The following CASQ2 variants were observed in gnomAD, a reference collection of about 807,000 sequenced individuals.
The protein encoded by CASQ2 is calsequestrin 2.
Under a neutral mutation model 46.5 loss-of-function variants are expected in CASQ2, and 49 were observed. That is an observed-to-expected ratio of 1.05 (90% CI 0.84 to 1.34). CASQ2 has a LOEUF of 1.34. CASQ2 is among the 40% of genes most tolerant of loss of function. The pLI is 0.00. For missense variants in CASQ2, 486 were observed against 481.3 expected, an observed-to-expected ratio of 1.01 and a Z score of -0.09; for synonymous variants, 174 against 168.5, an observed-to-expected ratio of 1.03 and a Z score of -0.25.
chr1:115,727,418 C>T (rs898664770), intron 5 of CASQ2, among the ~76,000 whole-genome samples: 3 of 152,168 alleles, frequency 2.0e-5, no homozygotes, highest in African/African-American at 4.8e-5. Flanking sequence ...CTACAATCAC[C>T]ATCACTCTAC....
intron 3 of CASQ2, among the ~76,000 whole-genome samples, chr1:115,739,362 A>AG (rs1553195264): frequency 5.5e-4 from 84 of 151,602 alleles, no homozygotes; most frequent in Non-Finnish European, 1.6e-4. Flanking sequence ...TGATCAGCCC[A>AG]CCTTGGCCTC....
At chr1:115,711,757 T>C (rs1277497344) in intron 8 of CASQ2, among the ~76,000 whole-genome samples, 2 of 151,920 alleles carry the variant, frequency 1.3e-5, no homozygotes, top group Non-Finnish European at 2.9e-5. Context: ...CGGGTTCAAG[T>C]GATTCTCCTG....
At chr1:115,748,234 C>G (rs1423917887) in intron 1 of CASQ2, among the ~76,000 whole-genome samples, 1 of 152,190 alleles carries the variant, frequency 6.6e-6, no homozygotes, top group Non-Finnish European at 1.5e-5. Context: ...ATATCTTCTT[C>G]ATTTTTATGT....
intron 4 of CASQ2, among the ~76,000 whole-genome samples, chr1:115,733,667 G>A (rs1478753754): frequency 6.6e-6 from 1 of 152,102 alleles, no homozygotes; most frequent in Non-Finnish European, 1.5e-5. Flanking sequence ...GAGTTACTTG[G>A]GAAAGAGATT....
chr1:115,721,663 C>T (rs1242651070), intron 7 of CASQ2, among the ~76,000 whole-genome samples: 1 of 152,100 alleles, frequency 6.6e-6, no homozygotes, highest in Non-Finnish European at 1.5e-5. Flanking sequence ...CTCTGCCTCC[C>T]AGGCTCAAAG....
At chr1:115,764,862 G>A (rs562255016) in intron 1 of CASQ2, among the ~76,000 whole-genome samples, 10 of 152,182 alleles carry the variant, frequency 6.6e-5, no homozygotes, top group East Asian at 3.9e-4. Flanking sequence ...CTGTTCTCAC[G>A]ACAGAATTCA....
chr1:115,732,530 C>T (rs1324325819), intron 5 of CASQ2, among the ~76,000 whole-genome samples: 1 of 152,122 alleles, frequency 6.6e-6, no homozygotes, highest in Non-Finnish European at 1.5e-5. Context: ...CCCATCCTGA[C>T]GCAGTAGAAG....
intron 4 of CASQ2, among the ~76,000 whole-genome samples, chr1:115,736,036 G>A (rs928925448): frequency 2.6e-5 from 4 of 151,620 alleles, no homozygotes; most frequent in East Asian, 3.9e-4. Flanking sequence ...GGTGGCAGGC[G>A]CCTGTAATCC....
chr1:115,768,270 C>T (rs1281554507), intron 1 of CASQ2, 38 bp downstream of exon 1: 1 of 1,352,266 alleles, frequency 7.4e-7, no homozygotes, highest in Non-Finnish European at 1.1e-6. Context: ...CGGCACCTCA[C>T]TGAGGCAGCG....
chr1:115,719,428 G>A (rs1284053000), intron 7 of CASQ2, among the ~76,000 whole-genome samples: 1 of 152,180 alleles, frequency 6.6e-6, no homozygotes, highest in Admixed American at 6.5e-5. Context: ...TGTGAAGCAG[G>A]CTTCATTTCT....
At chr1:115,724,077 C>T (rs1402392973) in intron 7 of CASQ2, among the ~76,000 whole-genome samples, 10 of 152,258 alleles carry the variant, frequency 6.6e-5, no homozygotes, top group Admixed American at 3.3e-4. Flanking sequence ...TAAATACTTC[C>T]GTGTTAATTC....
intron 7 of CASQ2, among the ~76,000 whole-genome samples, chr1:115,720,248 C>A (rs148626872): frequency 2.0e-5 from 3 of 151,998 alleles, no homozygotes; most frequent in Non-Finnish European, 2.9e-5. Context: ...GTCAAGGCGC[C>A]GGCAGATTTG....
intron 3 of CASQ2, among the ~76,000 whole-genome samples, chr1:115,740,302 T>C (rs1393806070): frequency 1.3e-5 from 2 of 152,202 alleles, no homozygotes; most frequent in Admixed American, 1.3e-4. Flanking sequence ...GCTGTTTAGC[T>C]CTGTCACTTC....
intron 1 of CASQ2, among the ~76,000 whole-genome samples, chr1:115,762,674 T>A (rs564851422): frequency 6.6e-6 from 1 of 152,378 alleles, no homozygotes; most frequent in South Asian, 2.1e-4. Flanking sequence ...TAAGTGGCCA[T>A]AAAATTGTTT....
chr1:115,700,920 G>A lies in CASQ2; in HGVS notation c.*321C>T, dbSNP rs201010779. 6.7e-6 allele frequency: 4 copies of A among 597,294 alleles called. No individual in the cohort carries two copies. The East Asian group carries it at 8.3e-5, about 12-fold the overall frequency. 37.0% of individuals were successfully genotyped at this position (597,294 alleles called of 1,614,324 possible). A position where few individuals can be genotyped will look rare whatever the true frequency, so the allele number is the denominator to read the frequency against. ...AAAGACAAGTAAACTTGTGTTAGGG[G>A]ATTGTTCACCCTAGACTGCCATGTT... On this transcript the variant is annotated 3_prime_UTR_variant, in exon 11 of 11. Transcript: ENST00000261448.
chr1:115,761,494 AAGG>A (rs1280916833), intron 1 of CASQ2, among the ~76,000 whole-genome samples: 1,438 of 42,050 alleles, frequency 0.034, 111 homozygotes, highest in East Asian at 0.085. Context: ...GAAGGAGAAG[AAGG>A]AGAAGAAGAA....
At position 115,700,816 on chromosome 1, in the gene CASQ2, T is replaced by C. The variant is rs1654182641; in HGVS notation, c.*425A>G. On this transcript the variant is annotated 3_prime_UTR_variant, in exon 11 of 11. Transcript: ENST00000261448. Reference sequence around the variant, plus strand: ...GGAGGGAGCTAAATCATTAATCATGTGTCTTCCCTGGGCTCTGATTAAAAG... The same window carrying C: ...GGAGGGAGCTAAATCATTAATCATGCGTCTTCCCTGGGCTCTGATTAAAAG... 1.4e-5 allele frequency: 7 copies of C among 514,772 alleles called. No homozygotes were observed. Among genetic ancestry groups the C allele is most frequent in the African/African-American group, 1.9e-5 (1 of 52,630 alleles). 31.9% of individuals were successfully genotyped at this position (514,772 alleles called of 1,614,324 possible).
At chr1:115,765,541 T>C (rs574919368) in intron 1 of CASQ2, among the ~76,000 whole-genome samples, 50 of 152,144 alleles carry the variant, frequency 3.3e-4, no homozygotes, top group Non-Finnish European at 5.7e-4. Flanking sequence ...ATCAACTTAA[T>C]AGGTTGAGAT....
At chr1:115,736,308 T>C (rs572572496) in intron 4 of CASQ2, among the ~76,000 whole-genome samples, 7 of 152,116 alleles carry the variant, frequency 4.6e-5, no homozygotes, top group Non-Finnish European at 1.0e-4. Context: ...AGGAATTTCA[T>C]GTTGCTATTT....
Sources: gnomAD v4.1 joint callset for allele counts (sites outside exome capture counted in the v4.1 genomes callset) on GRCh38, gnomAD v4.1.1 for gene constraint, MANE v1.5 for transcripts, NCBI Gene and HGNC (gene_info 2026-07-23, HGNC 2026-07-21) for gene names.